The following SLC49A4 variants were observed in gnomAD, a reference collection of about 807,000 sequenced individuals.
SLC49A4 encodes solute carrier family 49 member 4.
A neutral mutation model predicts 50.6 loss-of-function variants in SLC49A4; 36 were observed. The ratio of observed to expected loss-of-function variants is 0.71; its 90% CI spans 0.55 to 0.94. The LOEUF (loss-of-function observed/expected upper bound fraction) is 0.94, where lower values mean the gene tolerates loss of function less well. Ranked by LOEUF, SLC49A4 falls within the 40% of genes least tolerant of loss-of-function variation. The probability of loss-of-function intolerance (pLI) is 0.00; values close to 1 mark genes in which losing one functional copy is unlikely to be tolerated. For missense variants in SLC49A4, 503 were observed against 605.7 expected (o/e 0.83, Z 1.78); for synonymous variants, 248 against 241.2 (o/e 1.03, Z -0.26).
intron 1 of SLC49A4, among the ~76,000 whole-genome samples, chr3:122,798,431 G>T (rs1204099137): frequency 6.6e-6 from 1 of 151,850 alleles, no homozygotes; most frequent in Non-Finnish European, 1.5e-5. Flanking sequence ...GTGACTATAT[G>T]GTGAATTCAA....
chr3:122,849,600 A>G (rs1029383622), intron 5 of SLC49A4, among the ~76,000 whole-genome samples: 14 of 151,656 alleles, frequency 9.2e-5, no homozygotes, highest in Admixed American at 3.3e-4. Context: ...TTCTTTTTGT[A>G]TATTTGTTGG....
At chr3:122,838,327 C>G (rs891966621) in intron 4 of SLC49A4, among the ~76,000 whole-genome samples, 2 of 152,098 alleles carry the variant, frequency 1.3e-5, no homozygotes, top group African/African-American at 4.8e-5. Context: ...CAACGATAGA[C>G]TGGATTAAGA....
At chr3:122,834,330 A>G (rs1936646845) in intron 4 of SLC49A4, among the ~76,000 whole-genome samples, 1 of 152,184 alleles carries the variant, frequency 6.6e-6, no homozygotes, top group Non-Finnish European at 1.5e-5. Flanking sequence ...ATAGTCTTCA[A>G]TAAATTTTTA....
chr3:122,858,222 T>A (rs1035413062), intron 6 of SLC49A4, among the ~76,000 whole-genome samples: 1 of 152,224 alleles, frequency 6.6e-6, no homozygotes, highest in African/African-American at 2.4e-5. Flanking sequence ...AAGGACTGGA[T>A]CTCCAAAAAT....
At chr3:122,837,341 A>T (rs1308846547) in intron 4 of SLC49A4, among the ~76,000 whole-genome samples, 1 of 152,224 alleles carries the variant, frequency 6.6e-6, no homozygotes, top group Non-Finnish European at 1.5e-5. Context: ...CCAAAACAGC[A>T]TGGTACTGGT....
chr3:122,796,188 G>A (rs759582940), intron 1 of SLC49A4, among the ~76,000 whole-genome samples: 11 of 152,190 alleles, frequency 7.2e-5, no homozygotes, highest in Non-Finnish European at 1.0e-4. Context: ...ACTTGCCAGT[G>A]TGATTCTCTG....
At chr3:122,805,722 GGATA>G (rs1180916679) in intron 1 of SLC49A4, among the ~76,000 whole-genome samples, 2 of 152,184 alleles carry the variant, frequency 1.3e-5, no homozygotes, top group Non-Finnish European at 2.9e-5. Context: ...AACAATAGGA[GGATA>G]GAGTTCTGTT....
At chr3:122,873,329 G>GC (rs1553765723) in intron 8 of SLC49A4, among the ~76,000 whole-genome samples, 1 of 152,064 alleles carries the variant, frequency 6.6e-6, no homozygotes, top group Non-Finnish European at 1.5e-5. Context: ...ACAGGCAGGT[G>GC]CCACCATGCC....
intron 2 of SLC49A4, among the ~76,000 whole-genome samples, chr3:122,808,628 C>G (rs1936256375): frequency 6.6e-6 from 1 of 152,036 alleles, no homozygotes; most frequent in South Asian, 2.1e-4. Context: ...AGCTCCTCAG[C>G]TTTTTCTGAG....
At chr3:122,831,531 T>C (rs1936608729) in intron 3 of SLC49A4, among the ~76,000 whole-genome samples, 1 of 152,136 alleles carries the variant, frequency 6.6e-6, no homozygotes, top group South Asian at 2.1e-4. Flanking sequence ...CCACATATTA[T>C]ATGATTCCAT....
rs1397905118 is a variant in SLC49A4, at chr3:122,863,987, C to G, written c.1138+3785C>G. On this transcript the variant is annotated intron_variant, in intron 7 of 8. Transcript: ENST00000261038. Reference sequence around the variant, plus strand: ...CACTGCAACTTCCATTTCCCAGGTTCAAGTGATTCTCATGCCTCAGCCTCC... The same window carrying G: ...CACTGCAACTTCCATTTCCCAGGTTGAAGTGATTCTCATGCCTCAGCCTCC... 3.0e-4 allele frequency among the ~76,000 whole-genome samples: 46 copies of G among 152,116 alleles called. 2 individuals are homozygous for G. The highest frequency in any genetic ancestry group is 4.4e-5 in the Non-Finnish European group (3 of 68,022).
intron 4 of SLC49A4, among the ~76,000 whole-genome samples, chr3:122,836,357 G>C: frequency 6.6e-6 from 1 of 152,030 alleles, no homozygotes; most frequent in African/African-American, 2.4e-5. Context: ...ACTTGATCAT[G>C]GTGGATAAGC....
intron 4 of SLC49A4, among the ~76,000 whole-genome samples, chr3:122,842,511 A>AT (rs1936786729): frequency 4.0e-5 from 6 of 149,040 alleles, no homozygotes; most frequent in Non-Finnish European, 8.9e-5. Context: ...AAAAAAAAAA[A>AT]AGATTGCAGA....
intron 8 of SLC49A4, among the ~76,000 whole-genome samples, chr3:122,876,508 T>G (rs1430575212): frequency 6.6e-6 from 1 of 152,186 alleles, no homozygotes; most frequent in Non-Finnish European, 1.5e-5. Context: ...AATAATGGAA[T>G]GTGATGGTAA....
At chr3:122,821,597 C>T (rs1430090968) in intron 2 of SLC49A4, among the ~76,000 whole-genome samples, 1 of 152,116 alleles carries the variant, frequency 6.6e-6, no homozygotes, top group Non-Finnish European at 1.5e-5. Flanking sequence ...GGTAAGGAGG[C>T]AAGAGTCAGA....
intron 1 of SLC49A4, among the ~76,000 whole-genome samples, chr3:122,799,995 A>G (rs1017717247): frequency 2.0e-5 from 3 of 152,358 alleles, no homozygotes; most frequent in Middle Eastern, 3.4e-3. Context: ...ACCCAAGTAG[A>G]CAGATTAAAC....
At chr3:122,835,715 C>G (rs1936674116) in intron 4 of SLC49A4, among the ~76,000 whole-genome samples, 1 of 152,156 alleles carries the variant, frequency 6.6e-6, no homozygotes, top group African/African-American at 2.4e-5. Context: ...TGCCCACATT[C>G]ACCACTTCAG....
At chr3:122,862,207 T>C (rs1937065174) in intron 7 of SLC49A4, among the ~76,000 whole-genome samples, 1 of 152,228 alleles carries the variant, frequency 6.6e-6, no homozygotes, top group African/African-American at 2.4e-5. Context: ...ATTGTTAGGA[T>C]ATATCATACA....
At chr3:122,848,344 T>C (rs909404852) in intron 5 of SLC49A4, among the ~76,000 whole-genome samples, 10 of 152,174 alleles carry the variant, frequency 6.6e-5, no homozygotes, top group African/African-American at 2.2e-4. Context: ...TTTAGTCTGT[T>C]TGTCTGTCCC....
Sources: gnomAD v4.1 joint callset for allele counts (sites outside exome capture counted in the v4.1 genomes callset) on GRCh38, gnomAD v4.1.1 for gene constraint, MANE v1.5 for transcripts, NCBI Gene and HGNC (gene_info 2026-07-23, HGNC 2026-07-21) for gene names.